Variants in PTER observed in about 807,000 individuals in gnomAD.
The protein encoded by PTER is N-acetyltaurine hydrolase.
Under a neutral mutation model 29.6 loss-of-function variants are expected in PTER, and 38 were observed. The observed-to-expected ratio is 1.28, with a 90% CI of 0.99 to 1.68. PTER has a LOEUF of 1.68. PTER is among the 40% of genes most tolerant of loss of function. The probability of loss-of-function intolerance (pLI) is 0.00; values close to 1 mark genes in which losing one functional copy is unlikely to be tolerated. For missense variants in PTER, 482 were observed against 427.8 expected, an observed-to-expected ratio of 1.13 and a Z score of -1.12; for synonymous variants, 172 against 154.5, an observed-to-expected ratio of 1.11 and a Z score of -0.84.
chr10:16,444,702 C>G (rs1431372496), intron 1 of PTER, among the ~76,000 whole-genome samples: 1 of 152,140 alleles, frequency 6.6e-6, no homozygotes, highest in Non-Finnish European at 1.5e-5. Flanking sequence ...TAGCAAAGCT[C>G]TTATATTCAA....
chr10:16,516,517 C>A (rs1445916932), downstream of PTER, among the ~76,000 whole-genome samples: 2 of 152,092 alleles, frequency 1.3e-5, no homozygotes, highest in African/African-American at 4.8e-5. Context: ...TAGTTATCAA[C>A]CCATAATATA....
rs574218619 is a variant in PTER at position 16,461,593 on chromosome 10, C to A, written c.-48-22744C>A. Among the ~76,000 whole-genome samples, 10 of 152,240 alleles carry A rather than the reference C, an allele frequency of 6.6e-5. No homozygotes were observed. The South Asian group carries it at 2.1e-3, about 32-fold the overall frequency. On this transcript the variant is annotated intron_variant, in intron 1 of 4. Coordinates refer to ENST00000535784, the MANE Select transcript of PTER (RefSeq NM_001261836.2). The stretch of plus-strand genomic sequence containing the variant: ...TACCTTACTTTTAGTACATCAGATA[C>A]TAGTCTTTCCCCAAAACACTTCTCT...
At chr10:16,473,572 C>T (rs953293085) in intron 1 of PTER, among the ~76,000 whole-genome samples, 2 of 142,496 alleles carry the variant, frequency 1.4e-5, no homozygotes, top group Non-Finnish European at 3.0e-5. Context: ...GTAAGCATTC[C>T]TGTGTCCTTA....
intron 1 of PTER, among the ~76,000 whole-genome samples, chr10:16,472,700 A>G (rs1490313159): frequency 3.3e-5 from 5 of 152,230 alleles, no homozygotes; most frequent in African/African-American, 1.2e-4. Flanking sequence ...TTATCTGAGG[A>G]TAATAATTCC....
downstream of PTER, among the ~76,000 whole-genome samples, chr10:16,515,370 A>G (rs1281207338): frequency 6.6e-6 from 1 of 152,082 alleles, no homozygotes; most frequent in Non-Finnish European, 1.5e-5. Context: ...TCTTTTTTCC[A>G]TCGTGTCTTT....
At chr10:16,457,218 T>C (rs138400626) in intron 1 of PTER, among the ~76,000 whole-genome samples, 4,241 of 152,122 alleles carry the variant, frequency 0.028, 88 homozygotes, top group African/African-American at 0.048. Flanking sequence ...GTTTGTTTGT[T>C]TGTTTGTTTT....
At chr10:16,456,890 G>A (rs142238737) in intron 1 of PTER, among the ~76,000 whole-genome samples, 18,679 of 149,140 alleles carry the variant, frequency 0.13, 1,472 homozygotes, top group South Asian at 0.25. Flanking sequence ...TGCTGTTCTC[G>A]TGGTAGTGAA....
At chr10:16,481,497 C>G (rs1039864532) in intron 1 of PTER, among the ~76,000 whole-genome samples, 7 of 152,218 alleles carry the variant, frequency 4.6e-5, no homozygotes, top group African/African-American at 1.7e-4. Flanking sequence ...CAAAGACATT[C>G]CAGCTTAGAG....
In PTER at chr10:16,492,664, AACAG is replaced by A. The variant is rs1224251714; in HGVS notation, c.698+6052_698+6055del. Among the ~76,000 whole-genome samples the A allele has an allele frequency of 2.0e-5, 3 of 152,234 alleles. No homozygotes were observed. In the East Asian group the frequency reaches 5.8e-4, roughly 29 times the overall value. ...TAATTTTTGAGCCCCCTGGAGGGGA[AACAG>A]ACAGGTGCTGTGTGCCTGAATCTTT... On this transcript the variant is annotated intron_variant, in intron 3 of 4. Coordinates refer to ENST00000535784, the MANE Select transcript of PTER (RefSeq NM_001261836.2).
intron 1 of PTER, among the ~76,000 whole-genome samples, chr10:16,468,516 C>T (rs1054684661): frequency 1.4e-4 from 21 of 151,900 alleles, no homozygotes; most frequent in Admixed American, 9.8e-4. Flanking sequence ...TTCCTTTGTG[C>T]GAGTCTCCTC....
chr10:16,481,570 T>G (rs1188601263), intron 1 of PTER, among the ~76,000 whole-genome samples: 2 of 152,170 alleles, frequency 1.3e-5, no homozygotes, highest in African/African-American at 4.8e-5. Context: ...TTACATTGTG[T>G]GTGATCATAG....
chr10:16,447,872 T>C (rs1173176226), intron 1 of PTER, among the ~76,000 whole-genome samples: 6 of 152,174 alleles, frequency 3.9e-5, no homozygotes. Context: ...GGTGGCAGGA[T>C]TGGAGACCAT....
rs1835720564 is a variant in PTER at position 16,486,825 on chromosome 10, G to A, written c.698+208G>A. ...GTGTCCCTCCTCTGTGTCAGATAGT[G>A]TCCTAGGTATTTCACATAAGATATT... is the stretch of plus-strand genomic sequence containing the variant. On this transcript the variant is annotated intron_variant, in intron 3 of 4. Transcript: ENST00000535784. 5 of 554,782 alleles carry A rather than the reference G, an allele frequency of 9.0e-6. No individual in the cohort carries two copies. The South Asian group carries it at 1.3e-4, about 15-fold the overall frequency. 34.4% of individuals were successfully genotyped at this position (554,782 alleles called of 1,614,324 possible).
chr10:16,467,350 G>T (rs1157553186), intron 1 of PTER, among the ~76,000 whole-genome samples: 2 of 152,008 alleles, frequency 1.3e-5, no homozygotes, highest in African/African-American at 4.8e-5. Context: ...GTATCTACAG[G>T]GTTAGGTACT....
intron 1 of PTER, among the ~76,000 whole-genome samples, chr10:16,468,880 T>C (rs1170353556): frequency 3.3e-5 from 5 of 151,740 alleles, no homozygotes; most frequent in African/African-American, 1.2e-4. Flanking sequence ...GAGGCTGAGG[T>C]GGGAGGATCT....
intron 3 of PTER, among the ~76,000 whole-genome samples, chr10:16,491,646 T>C (rs1835902546): frequency 6.6e-6 from 1 of 152,110 alleles, no homozygotes; most frequent in Admixed American, 6.6e-5. Context: ...TCCCCCATCA[T>C]GCCTTTTCAG....
At chr10:16,462,160 A>G (rs2133394054) in intron 1 of PTER, among the ~76,000 whole-genome samples, 1 of 152,008 alleles carries the variant, frequency 6.6e-6, no homozygotes, top group African/African-American at 2.4e-5. Context: ...TAATTTTTGT[A>G]TTTTTAGTAC....
At chr10:16,481,721 A>G (rs1023484380) in intron 1 of PTER, among the ~76,000 whole-genome samples, 5 of 152,138 alleles carry the variant, frequency 3.3e-5, no homozygotes, top group South Asian at 2.1e-4. Flanking sequence ...ATATGCATCA[A>G]TTGAATATGC....
At chr10:16,483,941 A>G (rs928495279) in intron 1 of PTER, among the ~76,000 whole-genome samples, 1 of 152,248 alleles carries the variant, frequency 6.6e-6, no homozygotes, top group Non-Finnish European at 1.5e-5. Context: ...ATACATGGTT[A>G]GTTTGGATGT....
Sources: allele counts gnomAD v4.1 joint callset (sites outside exome capture counted in the v4.1 genomes callset), GRCh38; gene constraint gnomAD v4.1.1; transcripts MANE v1.5; gene names NCBI Gene and HGNC (gene_info 2026-07-23, HGNC 2026-07-21).